Variants in CFAP46 observed in about 807,000 individuals in gnomAD.
CFAP46 encodes cilia and flagella associated protein 46, also known as cilia- and flagella-associated protein 46.
A neutral mutation model predicts 325.7 loss-of-function variants in CFAP46; 245 were observed. The observed-to-expected ratio is 0.75, with a 90% CI of 0.68 to 0.84. The LOEUF (loss-of-function observed/expected upper bound fraction) is 0.84. Among genes scored for constraint, CFAP46 ranks in the 40% least tolerant of loss-of-function variants. The probability of loss-of-function intolerance (pLI) is 0.00; values close to 1 mark genes in which losing one functional copy is unlikely to be tolerated. For synonymous variants in CFAP46, 1,523 were observed against 1,495.9 expected, an observed-to-expected ratio of 1.02 and a Z score of -0.42; for missense variants, 3,346 against 3,543.0, an observed-to-expected ratio of 0.94 and a Z score of 1.41.
chr10:132,938,508 C>G (rs896842930), intron 5 of CFAP46, 81 bp downstream of exon 5: 7 of 1,375,444 alleles, frequency 5.1e-6, no homozygotes, highest in East Asian at 2.3e-5. Flanking sequence ...TCCCGTCCCC[C>G]CCCCGGAGAA....
intron 44 of CFAP46, among the ~76,000 whole-genome samples, chr10:132,844,502 C>T (rs187683669): frequency 1.4e-4 from 21 of 152,290 alleles, no homozygotes; most frequent in East Asian, 5.8e-4. Flanking sequence ...CTGTGGTCTA[C>T]GACATCCCCC....
chr10:132,917,984 T>C (rs868735050), intron 16 of CFAP46, among the ~76,000 whole-genome samples: 53 of 2,438 alleles, frequency 0.022, 1 homozygote, highest in Middle Eastern at 0.17. Context: ...TCAGCACCGA[T>C]GAACCCCCCT....
At position 132,922,233 on chromosome 10, in the gene CFAP46, A is replaced by G; in HGVS notation, c.1486-9T>C. 6.5e-7 allele frequency: 1 copy of G among 1,547,734 alleles called. No homozygotes were observed. Among genetic ancestry groups the G allele is most frequent in the Non-Finnish European group, 8.7e-7 (1 of 1,144,922 alleles). On this transcript the variant is annotated splice_polypyrimidine_tract_variant and intron_variant, in intron 12 of 57. Transcript: ENST00000368586. ...GGTGTAGCTTTTTTTGCCTGTGAAA[A>G]GCAGAGACTGATGAGCAAGGGGCCG...
chr10:132,909,718 C>T (rs979662909), intron 20 of CFAP46, among the ~76,000 whole-genome samples: 4 of 152,238 alleles, frequency 2.6e-5, no homozygotes, highest in South Asian at 2.1e-4. Flanking sequence ...ACCCCGTGGA[C>T]GGGTGGGCAG....
At chr10:132,921,193 G>A (rs535335871) in intron 13 of CFAP46, among the ~76,000 whole-genome samples, 38 of 152,326 alleles carry the variant, frequency 2.5e-4, no homozygotes, top group African/African-American at 7.0e-4. Flanking sequence ...CTGGTTCGTC[G>A]TGCTGGGTGA....
At chr10:132,856,188 G>A (rs376854114) in intron 39 of CFAP46, among the ~76,000 whole-genome samples, 2 of 152,228 alleles carry the variant, frequency 1.3e-5, no homozygotes, top group African/African-American at 2.4e-5. Flanking sequence ...GCAGGAAGCT[G>A]CGCCATTCAC....
At chr10:132,830,648 GC>G (rs1848133587) in intron 50 of CFAP46, among the ~76,000 whole-genome samples, 1 of 152,146 alleles carries the variant, frequency 6.6e-6, no homozygotes, top group African/African-American at 2.4e-5. Flanking sequence ...CTGTAGTGAT[GC>G]TGCCTCTATC....
rs770689049 is a variant in CFAP46 at position 132,808,743 on chromosome 10, G to C, written c.7826C>G (p.Ala2609Gly). The C allele has an allele frequency of 1.3e-6, 2 of 1,575,990 alleles. No homozygotes were observed. The highest frequency in any genetic ancestry group is 2.3e-5 in the South Asian group (2 of 87,162). ...CAGAGGGGCAGAGCCAAGGGCAGAGGCAAGTGCTGGGGCCCCAGCAGCTGA... is the reference window on the plus strand; with the variant it reads ...CAGAGGGGCAGAGCCAAGGGCAGAGCCAAGTGCTGGGGCCCCAGCAGCTGA... ...LPSAAGAPALASALGSAPLPT... is the reference protein window; with the variant it reads ...LPSAAGAPALGSALGSAPLPT... Residue 2609 changes from alanine (A) to glycine (G), a missense_variant, in exon 58 of 58, where the codon GCC (alanine) becomes GGC (glycine). Physicochemically the swap from Ala to Gly is moderately conservative, Grantham distance 60 (BLOSUM62 0). Transcript: ENST00000368586. This position sits in a 1 kb window ranked among gnomAD's most constrained non-coding sequence, Gnocchi z 6.8.
In CFAP46 at chr10:132,869,478, G is replaced by A. The variant is rs1304553653; in HGVS notation, c.4512-106C>T. Reference sequence around the variant, plus strand: ...GAAAACGGTCAACTAACACATCGAGGCACACTTGGATGGTATTTTCAATCA... The same window carrying A: ...GAAAACGGTCAACTAACACATCGAGACACACTTGGATGGTATTTTCAATCA... On this transcript the variant is annotated intron_variant, in intron 32 of 57. Coordinates refer to ENST00000368586, the MANE Select transcript of CFAP46 (RefSeq NM_001200049.3). The surrounding 1 kb of genome is among the most constrained non-coding windows in gnomAD (Gnocchi z 6.2). 2.3e-5 allele frequency: 16 copies of A among 704,658 alleles called. No individual in the cohort carries two copies. The highest frequency in any genetic ancestry group is 3.3e-5 in the Non-Finnish European group (15 of 458,972). 43.7% of individuals were successfully genotyped at this position (704,658 alleles called of 1,614,324 possible).
At chr10:132,920,517 C>G (rs946715098) in intron 13 of CFAP46, among the ~76,000 whole-genome samples, 1 of 152,228 alleles carries the variant, frequency 6.6e-6, no homozygotes, top group African/African-American at 2.4e-5. Context: ...GCCTCAGACT[C>G]CCGAGCTCCC....
chr10:132,851,365 C>G (rs1015746150), intron 39 of CFAP46, 60 bp from the exon 40 acceptor site: 1 of 1,534,358 alleles, frequency 6.5e-7, no homozygotes, highest in African/African-American at 1.4e-5. Context: ...GAATCTACAT[C>G]CCCACAACTT....
chr10:132,812,847 TA>T lies in CFAP46; in HGVS notation c.7438del (p.Tyr2480MetfsTer11). On this transcript the variant is annotated frameshift_variant, in exon 55 of 58. Transcript: ENST00000368586. LOFTEE classifies it high-confidence loss of function. ...ATGGGACAGGAAGCTCTCCATTCCA[TA>T]GAAGAAGAAACCGCTGCAGCTGCCC... ...ALGSCSGFFFYGMESFLSHIL... is the reference protein window; with the variant it reads ...ALGSCSGFFFXGMESFLSHIL... The T allele has an allele frequency of 6.2e-7, 1 of 1,611,828 alleles. No homozygotes were observed. The highest frequency in any genetic ancestry group is 8.5e-7 in the Non-Finnish European group (1 of 1,179,824).
intron 50 of CFAP46, among the ~76,000 whole-genome samples, chr10:132,822,705 G>A (rs1201180147): frequency 8.0e-6 from 1 of 124,456 alleles, no homozygotes; most frequent in Non-Finnish European, 1.7e-5. Context: ...TGCTGTGTGA[G>A]TGCTGATGTG....
In CFAP46 at chr10:132,886,507, C is replaced by T. The variant is rs1849133873; in HGVS notation, c.3305-548G>A. Among the ~76,000 whole-genome samples, 1 of 152,164 alleles carries T rather than the reference C, an allele frequency of 6.6e-6. No individual in the cohort carries two copies. The highest frequency in any genetic ancestry group is 6.5e-5 in the Admixed American group (1 of 15,292). ...CCTGCCTGCCGGGAGGTGAGCCCCA[C>T]CCAGCCTCCATAGGGCGCCCTGTGG... On this transcript the variant is annotated intron_variant, in intron 25 of 57. Transcript: ENST00000368586. This position sits in a 1 kb window ranked among gnomAD's most constrained non-coding sequence, Gnocchi z 5.8.
intron 11 of CFAP46, among the ~76,000 whole-genome samples, chr10:132,924,372 G>A (rs903317425): frequency 1.0e-4 from 15 of 144,934 alleles, no homozygotes; most frequent in Admixed American, 2.1e-4. Context: ...CACCCAGCAT[G>A]GCCCAAGTCC....
chr10:132,808,959 C>T lies in CFAP46; in HGVS notation c.7665-55G>A. 1 of 1,491,660 alleles carries T rather than the reference C, an allele frequency of 6.7e-7. No homozygotes were observed. Among genetic ancestry groups the T allele is most frequent in the Non-Finnish European group, 9.0e-7 (1 of 1,110,268 alleles). 92.4% of individuals were successfully genotyped at this position (1,491,660 alleles called of 1,614,324 possible). Reference sequence around the variant, plus strand: ...CCCGAGGCCCCGCAGGACGTCCAGCCCGGTGAGGACCAGGGCACAGGGGCG... The same window carrying T: ...CCCGAGGCCCCGCAGGACGTCCAGCTCGGTGAGGACCAGGGCACAGGGGCG... On this transcript the variant is annotated intron_variant, in intron 57 of 57. Coordinates refer to ENST00000368586, the MANE Select transcript of CFAP46 (RefSeq NM_001200049.3). The surrounding 1 kb of genome is among the most constrained non-coding windows in gnomAD (Gnocchi z 6.8).
intron 41 of CFAP46, among the ~76,000 whole-genome samples, chr10:132,848,100 T>C (rs1175140513): frequency 6.6e-6 from 1 of 152,104 alleles, no homozygotes; most frequent in Non-Finnish European, 1.5e-5. Flanking sequence ...CTGCACCACG[T>C]GCAGCCACTG....
chr10:132,835,231 G>A lies in CFAP46; in HGVS notation c.6744+73C>T, dbSNP rs60876884. ...AGCGCCCCGCCCCTCCCCCCACCTCGCCAGGGTCCTGGCTCCCAGGGGTGG... is the reference window on the plus strand; with the variant it reads ...AGCGCCCCGCCCCTCCCCCCACCTCACCAGGGTCCTGGCTCCCAGGGGTGG... On this transcript the variant is annotated intron_variant, in intron 47 of 57. Transcript: ENST00000368586. 50,759 of 1,564,724 alleles carry A rather than the reference G, an allele frequency of 0.032. 4,325 individuals are homozygous for A. The highest frequency in any genetic ancestry group is 0.32 in the African/African-American group (23,471 of 74,166).
At chr10:132,872,224 G>A (rs1406979240) in intron 32 of CFAP46, among the ~76,000 whole-genome samples, 1 of 152,138 alleles carries the variant, frequency 6.6e-6, no homozygotes, top group Non-Finnish European at 1.5e-5. Context: ...TAAGGATCAG[G>A]TAGAAATTTT....
Sources: gnomAD v4.1 joint callset for allele counts (sites outside exome capture counted in the v4.1 genomes callset) on GRCh38, gnomAD v4.1.1 for gene constraint, Gnocchi (gnomAD v3.1) non-coding constraint, MANE v1.5 for transcripts, NCBI Gene and HGNC (gene_info 2026-07-23, HGNC 2026-07-21) for gene names.